ANO9: variants seen among roughly 807,000 people sequenced by gnomAD.
The protein encoded by ANO9 is anoctamin 9, also known as anoctamin-9.
In ANO9, 80 loss-of-function variants were observed where a neutral mutation model predicts 100.5. The ratio of observed to expected loss-of-function variants is 0.80; its 90% CI spans 0.66 to 0.96. ANO9 has a LOEUF of 0.96. ANO9 is among the 40% of genes least tolerant of loss of function. The probability of loss-of-function intolerance (pLI) is 0.00; values close to 1 mark genes in which losing one functional copy is unlikely to be tolerated. For missense variants in ANO9, 1,064 were observed against 1,072.7 expected, an observed-to-expected ratio of 0.99 and a Z score of 0.11; for synonymous variants, 473 against 435.6, an observed-to-expected ratio of 1.09 and a Z score of -1.07.
At chr11:419,084 A>G (rs1848015277) in intron 20 of ANO9, 95 bp from the exon 21 acceptor site, 8 of 1,580,302 alleles carry the variant, frequency 5.1e-6, no homozygotes, top group Admixed American at 3.5e-5. Flanking sequence ...TGGAGCAAAC[A>G]GTGAGGTGGG....
At position 421,343 on chromosome 11, in the gene ANO9, A is replaced by G; in HGVS notation, c.1335-145T>C. On this transcript the variant is annotated intron_variant, in intron 15 of 22. Coordinates refer to ENST00000332826, the MANE Select transcript of ANO9 (RefSeq NM_001012302.3). The surrounding 1 kb of genome is among the most constrained non-coding windows in gnomAD (Gnocchi z 6.8). The stretch of plus-strand genomic sequence containing the variant: ...GAGCGGGGCACAGGTGCTCACACCC[A>G]GATGAACCGCACCCGCACGTGGGCA... 1 of 773,324 alleles carries G rather than the reference A, an allele frequency of 1.3e-6. No homozygotes were observed. The allele number at this position is 773,324 out of a possible 1,614,324, so 47.9% of individuals were successfully genotyped here.
chr11:419,636 A>C lies in ANO9; in HGVS notation c.1880T>G (p.Val627Gly). The change falls in exon 20 of 23, where the codon GTG becomes GGG. Residue 627 changes from valine (V) to glycine (G), a missense_variant. By Grantham distance (109) the Val-to-Gly change is moderately radical (BLOSUM62 -3). Coordinates refer to ENST00000332826, the MANE Select transcript of ANO9 (RefSeq NM_001012302.3). ...TGGGCTATAGCGGTACTTGTAGACC[A>C]CTCGGGGGATGAACTCAGATGTGAA... ...IAFTSEFIPR[V>G]VYKYRYSPCL... The C allele has an allele frequency of 6.2e-7, 1 of 1,613,530 alleles. No homozygotes were observed. Among genetic ancestry groups the C allele is most frequent in the South Asian group, 1.1e-5 (1 of 91,084 alleles).
Position 428,457 on chromosome 11 carries a change from C to G in ANO9, c.1185+18G>C. The G allele has an allele frequency of 6.2e-7, 1 of 1,612,476 alleles. No homozygotes were observed. Among genetic ancestry groups the G allele is most frequent in the Non-Finnish European group, 8.5e-7 (1 of 1,179,814 alleles). On this transcript the variant is annotated intron_variant, in intron 13 of 22. Transcript: ENST00000332826. ...CGGTGGACCCCCCAGCTCGGGCCTG[C>G]CCTGCTCCCGGCCCCACCTTGGTCA...
At chr11:428,442 C>G in intron 13 of ANO9, 33 bp downstream of exon 13, 18 of 1,612,532 alleles carry the variant, frequency 1.1e-5, no homozygotes, top group Non-Finnish European at 1.5e-5. Flanking sequence ...CGGTGGACCC[C>G]CCAGCTCGGG....
intron 9 of ANO9, 25 bp downstream of exon 9, chr11:430,058 T>C: frequency 6.5e-7 from 1 of 1,547,138 alleles, no homozygotes; most frequent in Non-Finnish European, 8.7e-7. Flanking sequence ...CCGCAGGCCC[T>C]GGGGTGGACC....
intron 1 of ANO9, among the ~76,000 whole-genome samples, chr11:439,956 G>A (rs888859121): frequency 2.0e-5 from 3 of 152,254 alleles, no homozygotes; most frequent in East Asian, 1.9e-4. Context: ...GTTCGTGGAC[G>A]CAGGGGCGGG....
At position 432,295 on chromosome 11, in the gene ANO9, C is replaced by G. The variant is rs1233323096; in HGVS notation, c.351-241G>C. ...GTCCAGGATGAGGCTGGGCTGGGGG[C>G]TCCTTCTCCTCCCAGCCCGTCCCTC... On this transcript the variant is annotated intron_variant, in intron 4 of 22. Transcript: ENST00000332826. This position sits in a 1 kb window ranked among gnomAD's most constrained non-coding sequence, Gnocchi z 4.8. 3 of 549,498 alleles carry G rather than the reference C, an allele frequency of 5.5e-6. No individual in the cohort carries two copies. Among genetic ancestry groups the G allele is most frequent in the Middle Eastern group, 9.8e-4 (2 of 2,044 alleles). The allele number at this position is 549,498 out of a possible 1,614,324, so 34.0% of individuals were successfully genotyped here.
chr11:438,823 T>G (rs921640563), intron 1 of ANO9, among the ~76,000 whole-genome samples: 1 of 152,152 alleles, frequency 6.6e-6, no homozygotes, highest in Non-Finnish European at 1.5e-5. Context: ...CACAGTGAGA[T>G]GTCTGGGACC....
chr11:437,521 C>T (rs1490614375), intron 1 of ANO9, among the ~76,000 whole-genome samples: 5 of 152,226 alleles, frequency 3.3e-5, no homozygotes, highest in South Asian at 2.1e-4. Flanking sequence ...TTGGCCTTCC[C>T]GACAGCCCAC....
chr11:428,686 C>G, intron 12 of ANO9, 36 bp downstream of exon 12: 2 of 1,611,988 alleles, frequency 1.2e-6, no homozygotes, highest in African/African-American at 1.3e-5. Flanking sequence ...GCATGCAGCC[C>G]GGGTCTCCAG....
chr11:427,915 G>A (rs1217099313), intron 15 of ANO9, among the ~76,000 whole-genome samples, 173 bp downstream of exon 15: 2 of 150,116 alleles, frequency 1.3e-5, no homozygotes, highest in Non-Finnish European at 3.0e-5. Flanking sequence ...CTCGGGGCCC[G>A]GGATTCAGGA....
chr11:433,968 G>A, intron 2 of ANO9, 31 bp from the exon 3 acceptor site: 1 of 1,553,322 alleles, frequency 6.4e-7, no homozygotes. Flanking sequence ...GCCAGGCGCA[G>A]GTGAAGGGGC....
chr11:420,731 C>T lies in ANO9; in HGVS notation c.1620G>A (p.Glu540=). 3 of 1,608,644 alleles carry T rather than the reference C, an allele frequency of 1.9e-6. No homozygotes were observed. Among genetic ancestry groups the T allele is most frequent in the Middle Eastern group, 1.7e-4 (1 of 6,056 alleles). The change falls in exon 18 of 23, where the codon GAG becomes GAA. Residue 540 remains glutamate (E), a synonymous_variant. Transcript: ENST00000332826. ...GCGCCCACGCACTCATCTCCATGAA[C>T]TCGTCGAACAGGCTGAAGGTGTTGA... is the stretch of plus-strand genomic sequence containing the variant. ...NPVNTFSLFD[E]FMEMMIQYGF... is the part of the protein sequence containing the mutation.
At chr11:436,358 C>T (rs929934238) in intron 1 of ANO9, among the ~76,000 whole-genome samples, 9 of 152,086 alleles carry the variant, frequency 5.9e-5, no homozygotes, top group East Asian at 3.9e-4. Context: ...TGAGCCACCA[C>T]GCCCGGCCCT....
At chr11:434,245 T>A in intron 1 of ANO9, 147 bp from the exon 2 acceptor site, 1 of 989,716 alleles carries the variant, frequency 1.0e-6, no homozygotes, top group Non-Finnish European at 1.4e-6. Context: ...GAGATGGCTG[T>A]AGGCGGGTGA....
At position 428,624 on chromosome 11, in the gene ANO9, C is replaced by G. The variant is rs143634897; in HGVS notation, c.1036G>C (p.Gly346Arg). The change falls in exon 13 of 23, where the codon GGC becomes CGC. Residue 346 changes from glycine to arginine, a missense_variant. By Grantham distance (125) the Gly-to-Arg change is moderately radical. Coordinates refer to ENST00000332826, the MANE Select transcript of ANO9 (RefSeq NM_001012302.3). ...LTLLMICLMI[G>R]MAHVLVVYRV... is the part of the protein sequence containing the mutation. ...TAGACCACCAGGACGTGGGCCATGC[C>G]GATCATGAGGCAGATCTGCGGGACA... 5.6e-6 allele frequency: 9 copies of G among 1,611,886 alleles called. No individual in the cohort carries two copies. Among genetic ancestry groups the G allele is most frequent in the Non-Finnish European group, 7.6e-6 (9 of 1,179,496 alleles).
intron 19 of ANO9, 190 bp from the exon 20 acceptor site, chr11:419,919 C>A: frequency 7.1e-7 from 1 of 1,407,034 alleles, no homozygotes. Flanking sequence ...TCCTGCACCC[C>A]TCACCCTGAC....
intron 1 of ANO9, among the ~76,000 whole-genome samples, chr11:440,035 A>G (rs1357141295): frequency 1.3e-5 from 2 of 152,158 alleles, no homozygotes; most frequent in Non-Finnish European, 2.9e-5. Context: ...AAAGGTGAGA[A>G]AATGGGGGCA....
rs59360572 is a variant in ANO9 at position 422,328 on chromosome 11, C to A, written c.1335-1130G>T. Among the ~76,000 whole-genome samples, 804 of 152,348 alleles carry A rather than the reference C, an allele frequency of 5.3e-3. 13 individuals are homozygous for A. Among genetic ancestry groups the A allele is most frequent in the African/African-American group, 0.019 (773 of 41,568 alleles). ...GATGGGCCGCAAAGACGTCCACGTG[C>A]TCATTCTTGGAGCCTGTGACCACGT... On this transcript the variant is annotated intron_variant, in intron 15 of 22. Coordinates refer to ENST00000332826, the MANE Select transcript of ANO9 (RefSeq NM_001012302.3). The surrounding 1 kb of genome is among the most constrained non-coding windows in gnomAD (Gnocchi z 4.3).
Sources: gnomAD v4.1 joint callset for allele counts (sites outside exome capture counted in the v4.1 genomes callset) on GRCh38, gnomAD v4.1.1 for gene constraint, Gnocchi (gnomAD v3.1) non-coding constraint, MANE v1.5 for transcripts, NCBI Gene and HGNC (gene_info 2026-07-23, HGNC 2026-07-21) for gene names.